FHIT: variants seen among roughly 807,000 people sequenced by gnomAD.
The protein encoded by FHIT is fragile histidine triad diadenosine triphosphatase.
In FHIT, 19 loss-of-function variants were observed where a neutral mutation model predicts 17.9. That is an observed-to-expected ratio of 1.06 (90% CI 0.74 to 1.56). FHIT has a LOEUF of 1.56. Ranked by LOEUF, FHIT falls within the 40% of genes most tolerant of loss-of-function variation. The probability of loss-of-function intolerance (pLI) is 0.00; values close to 1 mark genes in which losing one functional copy is unlikely to be tolerated. For synonymous variants in FHIT, 81 were observed against 69.7 expected, an observed-to-expected ratio of 1.16 and a Z score of -0.81; for missense variants, 248 against 189.2, an observed-to-expected ratio of 1.31 and a Z score of -1.82.
intron 4 of FHIT, among the ~76,000 whole-genome samples, chr3:60,799,480 C>T (rs1553731585): frequency 7.1e-6 from 1 of 141,250 alleles, no homozygotes; most frequent in Admixed American, 7.4e-5. Context: ...GGCCCAAAGT[C>T]TTTTTTTATA....
At chr3:59,879,920 C>T (rs368681337) in intron 8 of FHIT, among the ~76,000 whole-genome samples, 1 of 83,084 alleles carries the variant, frequency 1.2e-5, no homozygotes, top group Admixed American at 1.1e-4. Flanking sequence ...ATTTCCCCCA[C>T]CCCCCCCCCC....
At chr3:60,897,312 G>A (rs1018441161) in intron 3 of FHIT, among the ~76,000 whole-genome samples, 1 of 152,054 alleles carries the variant, frequency 6.6e-6, no homozygotes, top group Non-Finnish European at 1.5e-5. Context: ...GGTCTTTGCT[G>A]CTTTTCTATC....
At chr3:60,613,388 G>A (rs2038845371) in intron 4 of FHIT, among the ~76,000 whole-genome samples, 1 of 152,144 alleles carries the variant, frequency 6.6e-6, no homozygotes, top group African/African-American at 2.4e-5. Flanking sequence ...AGTGAGAGAT[G>A]GGCTGGGGAG....
At chr3:60,051,344 G>A (rs77414619) in intron 5 of FHIT, among the ~76,000 whole-genome samples, 1 of 51,732 alleles carries the variant, frequency 1.9e-5, no homozygotes, top group Non-Finnish European at 4.5e-5. Flanking sequence ...TTTTTTTTTT[G>A]TAACAGCAGC....
At chr3:60,699,700 T>A (rs201147048) in intron 4 of FHIT, among the ~76,000 whole-genome samples, 27 of 141,158 alleles carry the variant, frequency 1.9e-4, no homozygotes, top group South Asian at 2.2e-4. Context: ...AAAAAAAAAT[T>A]AAAAAAAAAA....
intron 4 of FHIT, among the ~76,000 whole-genome samples, chr3:60,622,308 CCCTT>C (rs1240659462): frequency 1.3e-5 from 2 of 152,136 alleles, no homozygotes; most frequent in East Asian, 3.9e-4. Context: ...TTCCATTTGC[CCCTT>C]CCTTAAAGCA....
chr3:60,077,850 T>A (rs982588493), intron 5 of FHIT, among the ~76,000 whole-genome samples: 4 of 151,904 alleles, frequency 2.6e-5, no homozygotes, highest in African/African-American at 9.7e-5. Context: ...GTTAAATAAG[T>A]AGATTTTAGC....
At chr3:61,197,990 C>T (rs975200463) in intron 2 of FHIT, among the ~76,000 whole-genome samples, 1 of 152,106 alleles carries the variant, frequency 6.6e-6, no homozygotes, top group African/African-American at 2.4e-5. Flanking sequence ...TAATAAAGAA[C>T]TCTGTACTTT....
chr3:60,705,569 C>A (rs1186948775), intron 4 of FHIT, among the ~76,000 whole-genome samples: 1 of 152,294 alleles, frequency 6.6e-6, no homozygotes, highest in South Asian at 2.1e-4. Flanking sequence ...CTCTAGGGAT[C>A]ACTTGGCTAT....
chr3:60,318,116 G>T (rs975199739), intron 5 of FHIT, among the ~76,000 whole-genome samples: 1 of 151,858 alleles, frequency 6.6e-6, no homozygotes, highest in African/African-American at 2.4e-5. Context: ...TTAAACAAAA[G>T]CAAAAACAAA....
chr3:60,208,768 C>A (rs1057028235), intron 5 of FHIT, among the ~76,000 whole-genome samples: 15 of 152,108 alleles, frequency 9.9e-5, no homozygotes, highest in African/African-American at 3.1e-4. Context: ...GACAGGCAAT[C>A]GATTTCTGTG....
At chr3:60,189,204 A>G (rs1702291674) in intron 5 of FHIT, among the ~76,000 whole-genome samples, 1 of 152,100 alleles carries the variant, frequency 6.6e-6, no homozygotes, top group Non-Finnish European at 1.5e-5. Context: ...AAAGGGAAAA[A>G]AAAATCTGAC....
chr3:61,172,337 A>G (rs1230898030), intron 2 of FHIT, among the ~76,000 whole-genome samples: 2 of 152,208 alleles, frequency 1.3e-5, no homozygotes, highest in South Asian at 2.1e-4. Context: ...AAGGGGAAAA[A>G]TGCAAGGGCA....
At chr3:60,110,527 T>A (rs1389151163) in intron 5 of FHIT, among the ~76,000 whole-genome samples, 1 of 152,152 alleles carries the variant, frequency 6.6e-6, no homozygotes, top group Non-Finnish European at 1.5e-5. Context: ...ACAGGTGTGA[T>A]TCAGAGCCAA....
At chr3:59,861,263 G>A (rs13324046) in intron 8 of FHIT, among the ~76,000 whole-genome samples, 4,006 of 152,216 alleles carry the variant, frequency 0.026, 162 homozygotes, top group African/African-American at 0.091. Context: ...GATGATGAGG[G>A]TGAGGAAGAT....
intron 8 of FHIT, among the ~76,000 whole-genome samples, chr3:59,758,258 A>G (rs1485724672): frequency 6.6e-6 from 1 of 152,202 alleles, no homozygotes. Context: ...TTCCCCAGCA[A>G]GGCAACTTGT....
intron 7 of FHIT, among the ~76,000 whole-genome samples, chr3:59,963,115 A>C (rs9881070): frequency 0.21 from 31,535 of 151,788 alleles, 4,091 homozygotes; most frequent in East Asian, 0.38. Context: ...CATAAAAAAA[A>C]ATTTGCTGGG....
At chr3:60,155,545 G>A (rs775547772) in intron 5 of FHIT, among the ~76,000 whole-genome samples, 8 of 152,124 alleles carry the variant, frequency 5.3e-5, no homozygotes, top group Non-Finnish European at 1.0e-4. Flanking sequence ...ATATCCATGT[G>A]GGCCTGGTTG....
At chr3:60,261,367 G>A (rs550286837) in intron 5 of FHIT, among the ~76,000 whole-genome samples, 5 of 151,986 alleles carry the variant, frequency 3.3e-5, no homozygotes, top group East Asian at 1.9e-4. Context: ...GGTACCAATC[G>A]CAAGGAACGT....
Sources: allele counts gnomAD v4.1 joint callset (sites outside exome capture counted in the v4.1 genomes callset), GRCh38; gene constraint gnomAD v4.1.1; transcripts MANE v1.5; gene names NCBI Gene and HGNC (gene_info 2026-07-23, HGNC 2026-07-21).